Variants in FSIP2 observed in about 807,000 individuals in gnomAD.
FSIP2 encodes fibrous sheath-interacting protein 2.
Under a neutral mutation model 510.5 loss-of-function variants are expected in FSIP2, and 367 were observed. The ratio of observed to expected loss-of-function variants is 0.72; its 90% CI spans 0.66 to 0.78. The LOEUF (loss-of-function observed/expected upper bound fraction) is 0.78, where lower values mean the gene tolerates loss of function less well. Ranked by LOEUF, FSIP2 falls within the 30% of genes least tolerant of loss-of-function variation. FSIP2 has a pLI of 0.00. For synonymous variants in FSIP2, 2,601 were observed against 2,732.2 expected, an observed-to-expected ratio of 0.95 and a Z score of 1.50; for missense variants, 7,594 against 7,901.7, an observed-to-expected ratio of 0.96 and a Z score of 1.48.
rs756208264 is a variant in FSIP2 at position 185,738,951 on chromosome 2, G to C, written c.57G>C (p.Thr19=). ...SKPAKVAVTK[T]VASVLAADTQ... The stretch of plus-strand genomic sequence containing the variant: ...CTGCCAAAGTCGCCGTCACCAAGAC[G>C]GTCGCCAGCGTCCTGGCCGCGGACA... Residue 19 remains threonine (T), a synonymous_variant, in exon 1 of 23, where the codon ACG becomes ACC. Coordinates refer to ENST00000424728, the MANE Select transcript of FSIP2 (RefSeq NM_173651.4). The C allele has an allele frequency of 6.5e-7, 1 of 1,534,066 alleles. No individual in the cohort carries two copies. The highest frequency in any genetic ancestry group is 1.2e-5 in the South Asian group (1 of 83,972).
In FSIP2 at chr2:185,789,614, C is replaced by T. The variant is rs1363419449; in HGVS notation, c.2478C>T (p.Ala826=). ...MCDIAEDMVH[A]ILEKLMTLVS... ...ATATTGCAGAGGACATGGTGCATGC[C>T]ATTTTAGAAAAGCTAATGACTCTTG... Residue 826 remains alanine, a synonymous_variant, in exon 16 of 23, where the codon GCC becomes GCT. Transcript: ENST00000424728. The T allele has an allele frequency of 6.5e-7, 1 of 1,534,610 alleles. No homozygotes were observed. The highest frequency in any genetic ancestry group is 1.4e-5 in the African/African-American group (1 of 72,896).
Position 185,744,316 on chromosome 2 carries a change from T to G in FSIP2, c.388-6T>G. ...AATATCCATCTGTTTTCATTTTTGT[T>G]TGTAGGTTGTATGTACCTTGAGAGA... On this transcript the variant is annotated splice_region_variant and splice_polypyrimidine_tract_variant and intron_variant, in intron 3 of 22. Coordinates refer to ENST00000424728, the MANE Select transcript of FSIP2 (RefSeq NM_173651.4). 1.0e-6 allele frequency: 1 copy of G among 952,766 alleles called. No homozygotes were observed. The highest frequency in any genetic ancestry group is 1.4e-6 in the Non-Finnish European group (1 of 722,152). 59.0% of individuals were successfully genotyped at this position (952,766 alleles called of 1,614,324 possible).
chr2:185,814,154 C>G (rs915611325), intron 18 of FSIP2, 112 bp downstream of exon 18: 8 of 1,090,764 alleles, frequency 7.3e-6, no homozygotes, highest in Admixed American at 5.1e-5. Context: ...AATTCAATCT[C>G]AAGCCTGGTG....
At chr2:185,809,170 A>G in intron 17 of FSIP2, 37 bp downstream of exon 17, 9 of 1,510,926 alleles carry the variant, frequency 6.0e-6, no homozygotes, top group Non-Finnish European at 7.9e-6. Context: ...ATGAGTGAAT[A>G]GTGAGACATG....
In FSIP2 at chr2:185,808,918, T is replaced by C; in HGVS notation, c.19612T>C (p.Ser6538Pro). The change falls in exon 17 of 23, where the codon TCA (serine) becomes CCA (proline). Residue 6538 changes from serine (S) to proline (P), a missense_variant. Transcript: ENST00000424728. ...KPVKIDPKII[S>P]EHLAVISIKT... ...AGTCAAAATAGATCCAAAAATTATT[T>C]CAGAACACTTAGCAGTTATTTCTAT... 1 of 1,605,578 alleles carries C rather than the reference T, an allele frequency of 6.2e-7. No individual in the cohort carries two copies. Among genetic ancestry groups the C allele is most frequent in the East Asian group, 2.2e-5 (1 of 44,702 alleles).
At chr2:185,817,325 T>C (rs1008762313) in intron 19 of FSIP2, among the ~76,000 whole-genome samples, 2 of 152,018 alleles carry the variant, frequency 1.3e-5, no homozygotes, top group African/African-American at 2.4e-5. Flanking sequence ...ATAGGTGCCA[T>C]AATGCATGAA....
chr2:185,792,112 A>G lies in FSIP2; in HGVS notation c.4976A>G (p.Asn1659Ser). ...AILKVIQTEL[N>S]VTSSDLKTSV... ...TTGAAGGTTATTCAAACAGAATTAA[A>G]TGTGACCTCATCAGATTTGAAGACA... The change falls in exon 16 of 23, where the codon AAT becomes AGT. Residue 1659 changes from asparagine (N) to serine (S), a missense_variant. Physicochemically the swap from Asn to Ser is conservative, Grantham distance 46. Coordinates refer to ENST00000424728, the MANE Select transcript of FSIP2 (RefSeq NM_173651.4). The G allele has an allele frequency of 6.5e-7, 1 of 1,534,050 alleles. No homozygotes were observed. Among genetic ancestry groups the G allele is most frequent in the African/African-American group, 1.4e-5 (1 of 72,998 alleles).
chr2:185,776,900 T>G (rs1431530864), intron 13 of FSIP2, among the ~76,000 whole-genome samples: 1 of 152,026 alleles, frequency 6.6e-6, no homozygotes, highest in Non-Finnish European at 1.5e-5. Context: ...ATTTTTGTAT[T>G]TTTAGTAGAG....
At chr2:185,741,389 A>G (rs1056742552) in intron 2 of FSIP2, among the ~76,000 whole-genome samples, 2 of 152,184 alleles carry the variant, frequency 1.3e-5, no homozygotes, top group Non-Finnish European at 2.9e-5. Flanking sequence ...AGTTATTTTA[A>G]TTGTCAATAG....
intron 20 of FSIP2, among the ~76,000 whole-genome samples, chr2:185,825,142 A>G (rs1240375205): frequency 6.6e-6 from 1 of 151,846 alleles, no homozygotes. Context: ...CAACAAACAT[A>G]TTCTCCCAAT....
At chr2:185,771,374 A>C (rs1011180934) in intron 13 of FSIP2, among the ~76,000 whole-genome samples, 1 of 152,174 alleles carries the variant, frequency 6.6e-6, no homozygotes, top group African/African-American at 2.4e-5. Context: ...CCTTTCTCAT[A>C]CATACTCTGA....
Position 185,794,424 on chromosome 2 carries a change from C to T in FSIP2, c.7288C>T (p.Leu2430=). ...ATTAGCTTTATCAAATGAAATATTG[C>T]TGGGTCACAAAGAGAAGGAAAGAAG... ...SQLALSNEIL[L]GHKEKERSTK... is the part of the protein sequence containing the mutation. Residue 2430 remains leucine (L), a synonymous_variant, in exon 16 of 23, where the codon CTG becomes TTG. Coordinates refer to ENST00000424728, the MANE Select transcript of FSIP2 (RefSeq NM_173651.4). 1 of 1,514,534 alleles carries T rather than the reference C, an allele frequency of 6.6e-7. No homozygotes were observed. Among genetic ancestry groups the T allele is most frequent in the Non-Finnish European group, 8.8e-7 (1 of 1,138,608 alleles). The allele number at this position is 1,514,534 out of a possible 1,614,324, so 93.8% of individuals were successfully genotyped here. A position where few individuals can be genotyped will look rare whatever the true frequency, so the allele number is the denominator to read the frequency against.
intron 8 of FSIP2, among the ~76,000 whole-genome samples, chr2:185,754,064 C>T (rs1298924692): frequency 1.3e-5 from 2 of 151,440 alleles, no homozygotes; most frequent in Non-Finnish European, 3.0e-5. Flanking sequence ...GACAGTCTTG[C>T]CTGTACTGCA....
chr2:185,808,606 G>A lies in FSIP2; in HGVS notation c.19300G>A (p.Gly6434Arg). ...TTATAGTAACATACTGCAACAATCAGGAACCAACAAAGAATTTTATTATGA... is the reference window on the plus strand; with the variant it reads ...TTATAGTAACATACTGCAACAATCAAGAACCAACAAAGAATTTTATTATGA... ...SVYSNILQQSGTNKEFYYDIK... is the reference protein window; with the variant it reads ...SVYSNILQQSRTNKEFYYDIK... The change falls in exon 17 of 23, where the codon GGA (glycine) becomes AGA (arginine). Residue 6434 changes from glycine (G) to arginine (R), a missense_variant. Transcript: ENST00000424728. 1 of 1,604,514 alleles carries A rather than the reference G, an allele frequency of 6.2e-7. No homozygotes were observed. The highest frequency in any genetic ancestry group is 8.5e-7 in the Non-Finnish European group (1 of 1,176,056).
In FSIP2 at chr2:185,738,925, C is replaced by G. The variant is rs1206351046; in HGVS notation, c.31C>G (p.Pro11Ala). The G allele has an allele frequency of 6.5e-7, 1 of 1,534,752 alleles. No individual in the cohort carries two copies. Among genetic ancestry groups the G allele is most frequent in the Admixed American group, 2.0e-5 (1 of 50,974 alleles). MELYLGACSK[P>A]AKVAVTKTVA... ...GCTGTACCTCGGCGCCTGCTCCAAGCCTGCCAAAGTCGCCGTCACCAAGAC... is the reference window on the plus strand; with the variant it reads ...GCTGTACCTCGGCGCCTGCTCCAAGGCTGCCAAAGTCGCCGTCACCAAGAC... Residue 11 changes from proline to alanine, a missense_variant, in exon 1 of 23, where the codon CCT (proline) becomes GCT (alanine). Physicochemically the swap from Pro to Ala is conservative, Grantham distance 27. Coordinates refer to ENST00000424728, the MANE Select transcript of FSIP2 (RefSeq NM_173651.4).
intron 9 of FSIP2, among the ~76,000 whole-genome samples, chr2:185,760,120 G>C (rs900341449): frequency 2.7e-4 from 41 of 150,326 alleles, no homozygotes; most frequent in Non-Finnish European, 9.0e-5. Context: ...TTGCTGATTT[G>C]TGGCTTTATT....
chr2:185,745,327 A>T, intron 4 of FSIP2, 102 bp from the exon 5 acceptor site: 1 of 671,992 alleles, frequency 1.5e-6, no homozygotes, highest in Non-Finnish European at 2.2e-6. Context: ...AAATGCAATT[A>T]AACAGAATTA....
chr2:185,751,439 C>G (rs116833933), intron 7 of FSIP2, among the ~76,000 whole-genome samples: 1 of 142,932 alleles, frequency 7.0e-6, no homozygotes, highest in Admixed American at 7.1e-5. Context: ...ACTTTTAAGA[C>G]CAAATTTGGG....
At chr2:185,781,938 C>T (rs1482748656) in intron 13 of FSIP2, among the ~76,000 whole-genome samples, 3 of 151,814 alleles carry the variant, frequency 2.0e-5, no homozygotes, top group Non-Finnish European at 4.4e-5. Flanking sequence ...CCCAGGTTCA[C>T]GCCATTCTCC....
Sources: allele counts gnomAD v4.1 joint callset (sites outside exome capture counted in the v4.1 genomes callset), GRCh38; gene constraint gnomAD v4.1.1; transcripts MANE v1.5; gene names NCBI Gene and HGNC (gene_info 2026-07-23, HGNC 2026-07-21).